The following KLHL18 variants were observed in gnomAD, a reference collection of about 807,000 sequenced individuals.
The protein encoded by KLHL18 is kelch-like protein 18.
Under a neutral mutation model 58.5 loss-of-function variants are expected in KLHL18, and 38 were observed. The ratio of observed to expected loss-of-function variants is 0.65; its 90% confidence interval spans 0.50 to 0.85. The LOEUF is 0.85. Among genes scored for constraint, KLHL18 ranks in the 40% least tolerant of loss-of-function variants. KLHL18 has a pLI of 0.00. For synonymous variants in KLHL18, 303 were observed against 301.9 expected, an observed-to-expected ratio of 1.00 and a Z score of -0.04; for missense variants, 624 against 778.4, an observed-to-expected ratio of 0.80 and a Z score of 2.36.
rs919886030 is a variant in KLHL18 at position 47,334,059 on chromosome 3, T to G, written c.762-624T>G. 2.6e-5 allele frequency among the ~76,000 whole-genome samples: 4 copies of G among 152,148 alleles called. No homozygotes were observed. The highest frequency in any genetic ancestry group is 5.9e-5 in the Non-Finnish European group (4 of 68,020). ...TGGGATCAGCTGGTTCAGGAGGAAG[T>G]AAGTGCCTGTCCATGGCAGATGGTG... On this transcript the variant is annotated intron_variant, in intron 5 of 9. Transcript: ENST00000232766. The surrounding 1 kb of genome is among the most constrained non-coding windows in gnomAD (Gnocchi z 4.7).
intron 1 of KLHL18, chr3:47,283,420 G>A: frequency 2.7e-6 from 1 of 365,832 alleles, no homozygotes; most frequent in Non-Finnish European, 5.1e-6. Flanking sequence ...AGGCAGGGGC[G>A]GTGGCCGGCT....
At position 47,340,624 on chromosome 3, in the gene KLHL18, G is replaced by C. The variant is rs906891659; in HGVS notation, c.1174G>C (p.Asp392His). 5.0e-6 allele frequency: 8 copies of C among 1,613,916 alleles called. No individual in the cohort carries two copies. The highest frequency in any genetic ancestry group is 3.3e-5 in the Admixed American group (2 of 59,990). Residue 392 changes from aspartate (D) to histidine (H), a missense_variant, in exon 8 of 10, where the codon GAT (aspartate) becomes CAT (histidine). Transcript: ENST00000232766. ...GCAGATCTACGTCTGTGGGGGCTACGATGGCAACTCTTCCCTCAGCTCCGT... is the reference window on the plus strand; with the variant it reads ...GCAGATCTACGTCTGTGGGGGCTACCATGGCAACTCTTCCCTCAGCTCCGT... ...DGQIYVCGGY[D>H]GNSSLSSVET...
chr3:47,307,127 A>C (rs1408053303), intron 1 of KLHL18, among the ~76,000 whole-genome samples: 1 of 152,180 alleles, frequency 6.6e-6, no homozygotes, highest in Non-Finnish European at 1.5e-5. Flanking sequence ...GCTGGAGTGC[A>C]GTGGCAAGAT....
chr3:47,304,530 CAT>C (rs1010586880), intron 1 of KLHL18, among the ~76,000 whole-genome samples: 1 of 152,120 alleles, frequency 6.6e-6, no homozygotes, highest in Non-Finnish European at 1.5e-5. Flanking sequence ...TAGATTTACA[CAT>C]AAGTATTTAA....
chr3:47,323,036 T>C (rs188022660), intron 3 of KLHL18, among the ~76,000 whole-genome samples: 127 of 152,280 alleles, frequency 8.3e-4, no homozygotes, highest in Non-Finnish European at 1.6e-3. Context: ...TCCTCTACTG[T>C]TCCATAGCCA....
intron 1 of KLHL18, among the ~76,000 whole-genome samples, chr3:47,288,408 C>A (rs1480857814): frequency 6.6e-6 from 1 of 152,140 alleles, no homozygotes; most frequent in South Asian, 2.1e-4. Context: ...TCATGCTCTC[C>A]TGTTGCATCT....
At chr3:47,316,660 C>T (rs145926957) in intron 1 of KLHL18, among the ~76,000 whole-genome samples, 11 of 125,418 alleles carry the variant, frequency 8.8e-5, no homozygotes, top group Non-Finnish European at 1.1e-4. Context: ...TGTATATATA[C>T]ATATATACGT....
At chr3:47,328,721 A>G (rs1193217767) in intron 3 of KLHL18, among the ~76,000 whole-genome samples, 1 of 152,060 alleles carries the variant, frequency 6.6e-6, no homozygotes, top group Non-Finnish European at 1.5e-5. Flanking sequence ...GTGCGTTACT[A>G]CTTTACAGGT....
chr3:47,314,473 C>G (rs774269733), intron 1 of KLHL18, among the ~76,000 whole-genome samples: 1 of 149,944 alleles, frequency 6.7e-6, no homozygotes. Context: ...CTTATTCTTA[C>G]GCTTATTTGT....
At position 47,311,327 on chromosome 3, in the gene KLHL18, T is replaced by C. The variant is rs373145143; in HGVS notation, c.130-8326T>C. Among the ~76,000 whole-genome samples, 25 of 152,168 alleles carry C rather than the reference T, an allele frequency of 1.6e-4. 1 individual carries two copies. Among genetic ancestry groups the C allele is most frequent in the East Asian group, 9.6e-4 (5 of 5,200 alleles). On this transcript the variant is annotated intron_variant, in intron 1 of 9. Transcript: ENST00000232766. ...TCACATCACATCACTTTGCTTTTCA[T>C]AGCTGTTCTTGAATCATGGAAGCCA...
chr3:47,283,776 C>G (rs1003771363), intron 1 of KLHL18, among the ~76,000 whole-genome samples: 3 of 152,180 alleles, frequency 2.0e-5, no homozygotes, highest in Non-Finnish European at 4.4e-5. Context: ...GTCGCTAGAG[C>G]CAGCCTCCCT....
intron 1 of KLHL18, among the ~76,000 whole-genome samples, chr3:47,285,867 G>C (rs1206687205): frequency 2.0e-5 from 3 of 152,284 alleles, no homozygotes; most frequent in East Asian, 3.9e-4. Context: ...GGGCAACGTG[G>C]TGAAACCCCA....
chr3:47,337,879 T>C (rs1704021644), intron 7 of KLHL18: 1 of 152,272 alleles, frequency 6.6e-6, no homozygotes, highest in South Asian at 2.1e-4. Context: ...AGTAGCTTTT[T>C]TGCTTTGACT....
At chr3:47,326,717 G>A (rs1346903886) in intron 3 of KLHL18, among the ~76,000 whole-genome samples, 5 of 151,842 alleles carry the variant, frequency 3.3e-5, no homozygotes, top group Non-Finnish European at 5.9e-5. Context: ...TCGGGAGTTC[G>A]AGACCAGCCT....
chr3:47,320,138 A>G lies in KLHL18; in HGVS notation c.260+355A>G, dbSNP rs185897964. Among the ~76,000 whole-genome samples, 11 of 152,168 alleles carry G rather than the reference A, an allele frequency of 7.2e-5. No homozygotes were observed. In the East Asian group the frequency reaches 1.7e-3, roughly 24 times the overall value. ...TTTTAGCTGACAAAACAGTTCTTCAAATAAGTGTCTTCATTTACATCCCTT... is the reference window on the plus strand; with the variant it reads ...TTTTAGCTGACAAAACAGTTCTTCAGATAAGTGTCTTCATTTACATCCCTT... On this transcript the variant is annotated intron_variant, in intron 2 of 9. Transcript: ENST00000232766.
chr3:47,319,445 T>C (rs1312055633), intron 1 of KLHL18, among the ~76,000 whole-genome samples: 1 of 152,216 alleles, frequency 6.6e-6, no homozygotes, highest in Admixed American at 6.5e-5. Context: ...TACATTCTTC[T>C]ACTGTAACTG....
chr3:47,321,033 C>T (rs1295486702), intron 2 of KLHL18, among the ~76,000 whole-genome samples: 2 of 152,192 alleles, frequency 1.3e-5, no homozygotes, highest in Admixed American at 6.5e-5. Context: ...GAGGCATGCT[C>T]GTCCCATGAA....
At chr3:47,327,660 T>G (rs1457453752) in intron 3 of KLHL18, among the ~76,000 whole-genome samples, 1 of 152,260 alleles carries the variant, frequency 6.6e-6, no homozygotes, top group African/African-American at 2.4e-5. Context: ...GCCTACATCT[T>G]GCTCTCTGCT....
At chr3:47,302,216 G>A (rs1703041713) in intron 1 of KLHL18, among the ~76,000 whole-genome samples, 1 of 152,250 alleles carries the variant, frequency 6.6e-6, no homozygotes, top group African/African-American at 2.4e-5. Context: ...GCTGGGCATG[G>A]TAGCTCACGC....
Sources: allele counts gnomAD v4.1 joint callset (sites outside exome capture counted in the v4.1 genomes callset), GRCh38; gene constraint gnomAD v4.1.1; non-coding constraint Gnocchi (gnomAD v3.1); transcripts MANE v1.5; gene names NCBI Gene and HGNC (gene_info 2026-07-23, HGNC 2026-07-21).